The following GPC6 variants were observed in gnomAD, a reference collection of about 807,000 sequenced individuals.
The protein encoded by GPC6 is glypican 6, also known as glypican-6.
Under a neutral mutation model 55.2 loss-of-function variants are expected in GPC6, and 14 were observed. That is an observed-to-expected ratio of 0.25 (90% CI 0.17 to 0.40). GPC6 has a LOEUF of 0.40. Among genes scored for constraint, GPC6 ranks in the 10% least tolerant of loss-of-function variants. The pLI is 1.00. For missense variants in GPC6, 641 were observed against 708.5 expected (o/e 0.90, Z 1.08); for synonymous variants, 278 against 259.6 (o/e 1.07, Z -0.68).
chr13:94,070,365 C>T (rs575460962), intron 4 of GPC6, among the ~76,000 whole-genome samples: 2 of 152,314 alleles, frequency 1.3e-5, no homozygotes, highest in South Asian at 2.1e-4. Flanking sequence ...TGGGTGGGGA[C>T]ACAGCCAAAC....
intron 2 of GPC6, among the ~76,000 whole-genome samples, chr13:93,672,950 A>T (rs930635990): frequency 6.6e-5 from 10 of 152,194 alleles, no homozygotes; most frequent in African/African-American, 2.4e-4. Context: ...GGAAATAAGT[A>T]CATAGAAAAA....
At chr13:93,779,778 C>T (rs767382925) in intron 2 of GPC6, among the ~76,000 whole-genome samples, 7 of 152,106 alleles carry the variant, frequency 4.6e-5, no homozygotes, top group Non-Finnish European at 5.9e-5. Flanking sequence ...AGAGGCACCA[C>T]GCATGTACCT....
chr13:93,913,143 G>T (rs553038726), intron 3 of GPC6, among the ~76,000 whole-genome samples: 2 of 152,262 alleles, frequency 1.3e-5, no homozygotes, highest in African/African-American at 4.8e-5. Flanking sequence ...ATATCATTTT[G>T]GGGGACACTA....
chr13:94,174,987 T>G (rs1412935), intron 4 of GPC6, among the ~76,000 whole-genome samples: 147,118 of 152,238 alleles, frequency 0.97, 71,121 homozygotes, highest in Non-Finnish European at 0.98. Flanking sequence ...ATCCCTGAAG[T>G]TTGCCTTGTG....
chr13:93,434,879 G>A (rs984225352), intron 1 of GPC6, among the ~76,000 whole-genome samples: 1 of 151,940 alleles, frequency 6.6e-6, no homozygotes, highest in African/African-American at 2.4e-5. Flanking sequence ...GTTCATGTTT[G>A]TATTTTTAGT....
intron 1 of GPC6, among the ~76,000 whole-genome samples, chr13:93,539,848 C>T (rs1882217409): frequency 6.6e-6 from 1 of 152,128 alleles, no homozygotes; most frequent in African/African-American, 2.4e-5. Context: ...TGCGCCACCA[C>T]TCCCGGCTAA....
chr13:93,873,585 C>A (rs147115580), intron 3 of GPC6, among the ~76,000 whole-genome samples: 1 of 151,974 alleles, frequency 6.6e-6, no homozygotes, highest in East Asian at 2.0e-4. Flanking sequence ...CACAAGACAG[C>A]CCCTATGACA....
chr13:93,543,643 C>G (rs1454827846), intron 1 of GPC6, among the ~76,000 whole-genome samples: 2 of 152,128 alleles, frequency 1.3e-5, no homozygotes, highest in African/African-American at 4.8e-5. Flanking sequence ...GGCTGTGAAT[C>G]CATCGGGATA....
intron 3 of GPC6, among the ~76,000 whole-genome samples, chr13:93,950,051 T>C (rs1307600409): frequency 1.3e-5 from 2 of 152,168 alleles, no homozygotes; most frequent in Non-Finnish European, 2.9e-5. Context: ...AGAGTTTCTG[T>C]CTGGATGATG....
At chr13:93,468,317 G>A (rs1484267368) in intron 1 of GPC6, among the ~76,000 whole-genome samples, 1 of 152,008 alleles carries the variant, frequency 6.6e-6, no homozygotes, top group African/African-American at 2.4e-5. Context: ...TGAAGTTTAT[G>A]CCTTAAAATG....
At chr13:93,655,650 A>G (rs1331353056) in intron 2 of GPC6, among the ~76,000 whole-genome samples, 2 of 152,206 alleles carry the variant, frequency 1.3e-5, no homozygotes, top group African/African-American at 4.8e-5. Context: ...TGTGTATACT[A>G]ACAAATCAGT....
intron 6 of GPC6, among the ~76,000 whole-genome samples, chr13:94,363,302 A>G (rs971445007): frequency 6.6e-6 from 1 of 152,196 alleles, no homozygotes; most frequent in Non-Finnish European, 1.5e-5. Context: ...CAAAATTTTG[A>G]TGGCTGTCAC....
chr13:93,353,887 A>G (rs1016777288), intron 1 of GPC6, among the ~76,000 whole-genome samples: 1 of 152,232 alleles, frequency 6.6e-6, no homozygotes, highest in Non-Finnish European at 1.5e-5. Context: ...GACAAAATTC[A>G]TATACATCTT....
chr13:93,775,491 G>C (rs1017706874), intron 2 of GPC6, among the ~76,000 whole-genome samples: 19 of 152,170 alleles, frequency 1.2e-4, no homozygotes, highest in African/African-American at 4.6e-4. Context: ...GAAGAAAATT[G>C]TCATTGCCAC....
At chr13:93,559,938 A>C (rs928624874) in intron 2 of GPC6, among the ~76,000 whole-genome samples, 1 of 152,158 alleles carries the variant, frequency 6.6e-6, no homozygotes, top group Admixed American at 6.5e-5. Flanking sequence ...GAAGAGGCCA[A>C]GACATTAAGA....
intron 2 of GPC6, among the ~76,000 whole-genome samples, chr13:93,710,217 A>G (rs1883005597): frequency 6.6e-6 from 1 of 151,838 alleles, no homozygotes; most frequent in East Asian, 1.9e-4. Flanking sequence ...AGAAGAAATT[A>G]TTGTAATACT....
At chr13:93,684,850 A>T (rs1262360950) in intron 2 of GPC6, among the ~76,000 whole-genome samples, 1 of 152,194 alleles carries the variant, frequency 6.6e-6, no homozygotes, top group African/African-American at 2.4e-5. Flanking sequence ...TAAAGTTAAG[A>T]AGGAGCCATA....
At chr13:94,299,922 A>G (rs1594145184) in intron 5 of GPC6, among the ~76,000 whole-genome samples, 1 of 152,226 alleles carries the variant, frequency 6.6e-6, no homozygotes, top group Non-Finnish European at 1.5e-5. Context: ...TTTCCCAAGT[A>G]GTAATCTAAC....
chr13:94,256,171 T>A (rs529246437), intron 4 of GPC6, among the ~76,000 whole-genome samples: 11 of 152,296 alleles, frequency 7.2e-5, no homozygotes, highest in African/African-American at 2.6e-4. Context: ...AACTTGATGT[T>A]TTCTTCCAAA....
Sources: gnomAD v4.1 joint callset for allele counts (sites outside exome capture counted in the v4.1 genomes callset) on GRCh38, gnomAD v4.1.1 for gene constraint, MANE v1.5 for transcripts, NCBI Gene and HGNC (gene_info 2026-07-23, HGNC 2026-07-21) for gene names.